ZFAT: variants seen among roughly 807,000 people sequenced by gnomAD.
The protein encoded by ZFAT is zinc finger and AT-hook domain containing.
In ZFAT, 64 loss-of-function variants were observed where a neutral mutation model predicts 117.7. That is an observed-to-expected ratio of 0.54 (90% CI 0.44 to 0.67). The LOEUF (loss-of-function observed/expected upper bound fraction) is 0.67, where lower values mean the gene tolerates loss of function less well. ZFAT is among the 30% of genes least tolerant of loss of function. ZFAT has a pLI of 0.00. For synonymous variants in ZFAT, 679 were observed against 615.0 expected, an observed-to-expected ratio of 1.10 and a Z score of -1.54; for missense variants, 1,433 against 1,584.5, an observed-to-expected ratio of 0.90 and a Z score of 1.62.
intron 1 of ZFAT, among the ~76,000 whole-genome samples, chr8:134,696,772 G>T (rs1468601639): frequency 6.6e-6 from 1 of 152,198 alleles, no homozygotes; most frequent in Non-Finnish European, 1.5e-5. Context: ...CCCAGCAGGG[G>T]TCCCTCCTAG....
chr8:134,506,362 G>C (rs184658679), intron 15 of ZFAT, among the ~76,000 whole-genome samples: 270 of 152,320 alleles, frequency 1.8e-3, no homozygotes, highest in Middle Eastern at 6.8e-3. Context: ...CTGAGCGTTG[G>C]GAGATGCTCG....
intron 1 of ZFAT, among the ~76,000 whole-genome samples, chr8:134,663,962 C>T (rs892935168): frequency 1.1e-4 from 17 of 152,090 alleles, no homozygotes; most frequent in Non-Finnish European, 1.8e-4. Flanking sequence ...CTGAGTCGCA[C>T]GCTGCAAATC....
upstream of ZFAT, among the ~76,000 whole-genome samples, chr8:134,717,156 T>C (rs1814220679): frequency 6.6e-6 from 1 of 152,208 alleles, no homozygotes; most frequent in South Asian, 2.1e-4. Flanking sequence ...ATGCTAATGA[T>C]GCATAATGAA....
At chr8:134,682,679 A>G (rs1332897489) in intron 1 of ZFAT, among the ~76,000 whole-genome samples, 2 of 152,202 alleles carry the variant, frequency 1.3e-5, no homozygotes, top group Non-Finnish European at 2.9e-5. Context: ...ATTAAATTAA[A>G]TTAAATTAAA....
At chr8:134,648,732 C>A (rs1831040953) in intron 2 of ZFAT, among the ~76,000 whole-genome samples, 1 of 152,044 alleles carries the variant, frequency 6.6e-6, no homozygotes, top group African/African-American at 2.4e-5. Context: ...AACACCAATA[C>A]TTAAAAATTT....
chr8:134,816,980 C>CAA, the ZFAT span, among the ~76,000 whole-genome samples: 2 of 67,302 alleles, frequency 3.0e-5, no homozygotes, highest in Non-Finnish European at 3.2e-5. Context: ...GACTCCATCT[C>CAA]AAAAAAAAAA....
chr8:134,818,475 T>C, the ZFAT span, among the ~76,000 whole-genome samples: 3 of 152,194 alleles, frequency 2.0e-5, no homozygotes, highest in Non-Finnish European at 4.4e-5. Context: ...AATGATAGCA[T>C]AATGCTGGTG....
At chr8:134,568,179 C>T (rs1415688579) in intron 10 of ZFAT, among the ~76,000 whole-genome samples, 7 of 152,198 alleles carry the variant, frequency 4.6e-5, no homozygotes, top group Non-Finnish European at 8.8e-5. Flanking sequence ...AATATTAATA[C>T]CACAGTTGTA....
intron 7 of ZFAT, among the ~76,000 whole-genome samples, chr8:134,596,992 TAA>T (rs199585160): frequency 0.24 from 34,866 of 144,214 alleles, 4,413 homozygotes; most frequent in East Asian, 0.53. Flanking sequence ...GTGGATATAC[TAA>T]AAAAAAAAAA....
chr8:134,699,916 G>A (rs1024990642), intron 1 of ZFAT, among the ~76,000 whole-genome samples: 9 of 152,194 alleles, frequency 5.9e-5, no homozygotes, highest in East Asian at 1.9e-4. Context: ...AGGCTGGCAC[G>A]CACCCGTGGG....
the ZFAT span, among the ~76,000 whole-genome samples, chr8:134,739,493 A>C: frequency 7.3e-3 from 1,111 of 152,262 alleles, 11 homozygotes; most frequent in African/African-American, 0.025. Context: ...TCTCTGTCTT[A>C]TTTTGTTAAC....
intron 10 of ZFAT, among the ~76,000 whole-genome samples, chr8:134,580,569 T>G (rs993041127): frequency 6.6e-6 from 1 of 152,178 alleles, no homozygotes; most frequent in African/African-American, 2.4e-5. Flanking sequence ...AGAAAAACTA[T>G]GTAAGCTTCA....
intron 1 of ZFAT, among the ~76,000 whole-genome samples, chr8:134,695,535 G>A: frequency 6.7e-6 from 1 of 149,942 alleles, no homozygotes. Context: ...GGCCCTGCCT[G>A]CATCTCTAAC....
intron 5 of ZFAT, among the ~76,000 whole-genome samples, chr8:134,605,182 C>T (rs1827790461): frequency 6.6e-6 from 1 of 152,194 alleles, no homozygotes; most frequent in African/African-American, 2.4e-5. Context: ...CTTCGATGTC[C>T]ATGCGAGTTC....
At chr8:134,663,917 C>G (rs1240623442) in intron 1 of ZFAT, among the ~76,000 whole-genome samples, 1 of 152,174 alleles carries the variant, frequency 6.6e-6, no homozygotes, top group African/African-American at 2.4e-5. Flanking sequence ...ATGTCCCCAG[C>G]CTGGCACATG....
In ZFAT at chr8:134,478,474, C is replaced by T; in HGVS notation, c.*8G>A. The stretch of plus-strand genomic sequence containing the variant: ...CCCGCCCTGTGGCCATCCGATGCCA[C>T]ATGTCCTCTAGAGTTCCTGGGCCGG... On this transcript the variant is annotated 3_prime_UTR_variant, in exon 16 of 16. Coordinates refer to ENST00000377838, the MANE Select transcript of ZFAT (RefSeq NM_020863.4). The surrounding 1 kb of genome is among the most constrained non-coding windows in gnomAD (Gnocchi z 5.2). The T allele has an allele frequency of 1.3e-6, 2 of 1,557,342 alleles. No individual in the cohort carries two copies. Among genetic ancestry groups the T allele is most frequent in the Middle Eastern group, 1.7e-4 (1 of 5,986 alleles).
chr8:134,713,122 G>A (rs978033303), upstream of ZFAT: 1 of 385,248 alleles, frequency 2.6e-6, no homozygotes. Context: ...AGCGCGGCCC[G>A]GCAGGGCCGA....
chr8:134,776,295 C>A, the ZFAT span, among the ~76,000 whole-genome samples: 1 of 152,000 alleles, frequency 6.6e-6, no homozygotes, highest in African/African-American at 2.4e-5. Flanking sequence ...TCAAAGTCAC[C>A]CCTCCACCCT....
At chr8:134,497,962 G>A (rs1818612124) in intron 15 of ZFAT, among the ~76,000 whole-genome samples, 1 of 146,092 alleles carries the variant, frequency 6.8e-6, no homozygotes, top group African/African-American at 2.6e-5. Flanking sequence ...TGATTTGGTA[G>A]GGTTGGGGTG....
Sources: allele counts gnomAD v4.1 joint callset (sites outside exome capture counted in the v4.1 genomes callset), GRCh38; gene constraint gnomAD v4.1.1; non-coding constraint Gnocchi (gnomAD v3.1); transcripts MANE v1.5; gene names NCBI Gene and HGNC (gene_info 2026-07-23, HGNC 2026-07-21).